UIMC1: variants seen among roughly 807,000 people sequenced by gnomAD.
The protein encoded by UIMC1 is ubiquitin interaction motif containing 1.
A neutral mutation model predicts 84.9 loss-of-function variants in UIMC1; 42 were observed. That is an observed-to-expected ratio of 0.49 (90% CI 0.39 to 0.64). The LOEUF is 0.64. UIMC1 is among the 30% of genes least tolerant of loss of function. The pLI, the probability that UIMC1 is intolerant of heterozygous loss-of-function variation, is 0.00. For synonymous variants in UIMC1, 281 were observed against 293.0 expected (o/e 0.96, Z 0.42); for missense variants, 825 against 847.6 (o/e 0.97, Z 0.33).
chr5:176,938,696 C>T (rs1006463814), intron 10 of UIMC1, among the ~76,000 whole-genome samples: 4 of 152,168 alleles, frequency 2.6e-5, no homozygotes, highest in African/African-American at 9.7e-5. Flanking sequence ...CTCTACCTTG[C>T]TATGGGTTTA....
rs1759301649 is a variant in UIMC1 at position 176,905,906 on chromosome 5, T to A, written c.1949+105A>T. On this transcript the variant is annotated intron_variant, in intron 14 of 14. Transcript: ENST00000511320. Reference sequence around the variant, plus strand: ...GAGGTCATAATAGTTCCACAGTGATTTCTACTGCAACAGTCTGAGTATCAC... The same window carrying A: ...GAGGTCATAATAGTTCCACAGTGATATCTACTGCAACAGTCTGAGTATCAC... 7.2e-6 allele frequency: 9 copies of A among 1,257,212 alleles called. No individual in the cohort carries two copies. The Admixed American group carries it at 1.6e-4, about 22-fold the overall frequency. 77.9% of individuals were successfully genotyped at this position (1,257,212 alleles called of 1,614,324 possible). A position where few individuals can be genotyped will look rare whatever the true frequency, so the allele number is the denominator to read the frequency against.
Position 176,955,959 on chromosome 5 carries a change from C to G in UIMC1, c.1339G>C (p.Glu447Gln), listed in dbSNP as rs1253146881. 1 of 1,612,792 alleles carries G rather than the reference C, an allele frequency of 6.2e-7. No individual in the cohort carries two copies. The highest frequency in any genetic ancestry group is 2.2e-5 in the East Asian group (1 of 44,792). The change falls in exon 8 of 15, where the codon GAG becomes CAG. Residue 447 changes from glutamate (E) to glutamine (Q), a missense_variant and splice_region_variant. Glu to Gln is a conservative substitution (Grantham distance 29, BLOSUM62 2). Transcript: ENST00000511320. ...AGTAAAATCACAGTGGGGTACTTAC[C>G]AGGACAAACAGTGATTTCTTCTGCA... ...SSAEEITVCP[E>Q]TQLSSSETFD...
chr5:176,950,518 A>C (rs967710131), intron 9 of UIMC1, among the ~76,000 whole-genome samples: 3 of 152,036 alleles, frequency 2.0e-5, no homozygotes, highest in African/African-American at 7.2e-5. Context: ...GATTTTTAAG[A>C]TTTAAAAATT....
chr5:176,941,811 T>A (rs1237790241), intron 10 of UIMC1, among the ~76,000 whole-genome samples: 1 of 152,094 alleles, frequency 6.6e-6, no homozygotes, highest in Non-Finnish European at 1.5e-5. Flanking sequence ...TTGATCAATG[T>A]CTTATGCTGT....
At chr5:176,969,854 G>A (rs1768929753) in intron 4 of UIMC1, 148 bp from the exon 5 acceptor site, 1 of 664,532 alleles carries the variant, frequency 1.5e-6, no homozygotes, top group Non-Finnish European at 2.6e-6. Flanking sequence ...CACAGCATAT[G>A]CTGAATGTCT....
intron 9 of UIMC1, among the ~76,000 whole-genome samples, chr5:176,944,859 G>A (rs1464355983): frequency 6.6e-6 from 1 of 152,130 alleles, no homozygotes; most frequent in African/African-American, 2.4e-5. Context: ...AGATGAGAAA[G>A]GAACTAACAG....
chr5:176,914,874 A>C (rs545667586), intron 10 of UIMC1, among the ~76,000 whole-genome samples: 2 of 152,326 alleles, frequency 1.3e-5, no homozygotes, highest in African/African-American at 4.8e-5. Flanking sequence ...TCCACCTCCT[A>C]TTCTATCAAC....
At chr5:176,982,336 C>T in intron 2 of UIMC1, 133 bp downstream of exon 2, 1 of 1,030,536 alleles carries the variant, frequency 9.7e-7, no homozygotes, top group South Asian at 1.7e-5. Flanking sequence ...CAAATTAAAA[C>T]AAAGCTGAGT....
chr5:177,005,043 C>T (rs1476883893), intron 1 of UIMC1, among the ~76,000 whole-genome samples: 2 of 151,978 alleles, frequency 1.3e-5, no homozygotes, highest in Non-Finnish European at 2.9e-5. Flanking sequence ...CACAGGCACG[C>T]GCCACCACGC....
intron 1 of UIMC1, among the ~76,000 whole-genome samples, chr5:177,013,526 T>A (rs953504015): frequency 1.3e-5 from 2 of 152,252 alleles, no homozygotes; most frequent in African/African-American, 4.8e-5. Context: ...GATGTTATTA[T>A]GTTCTTCAGA....
chr5:176,975,622 C>T, intron 2 of UIMC1, 142 bp from the exon 3 acceptor site: 1 of 726,906 alleles, frequency 1.4e-6, no homozygotes, highest in South Asian at 1.9e-5. Context: ...TTAGAAGATC[C>T]TTTTCAGTAC....
intron 2 of UIMC1, among the ~76,000 whole-genome samples, chr5:176,977,597 A>G (rs1396206590): frequency 1.4e-4 from 16 of 114,216 alleles, no homozygotes; most frequent in East Asian, 8.0e-4. Context: ...AAAAAAAAAA[A>G]GAAAAGAAAA....
At chr5:176,929,430 G>A (rs1035942809) in intron 10 of UIMC1, among the ~76,000 whole-genome samples, 55 of 151,444 alleles carry the variant, frequency 3.6e-4, no homozygotes, top group African/African-American at 1.3e-3. Flanking sequence ...AGCCAGGCGT[G>A]GTGGCGGGTG....
chr5:176,961,590 T>TG (rs1219778000), intron 6 of UIMC1, among the ~76,000 whole-genome samples: 1 of 37,996 alleles, frequency 2.6e-5, no homozygotes, highest in Non-Finnish European at 4.7e-5. Flanking sequence ...GGGAGGGAGG[T>TG]GGGGGGTCAG....
At chr5:176,952,654 G>T (rs1766035164) in intron 8 of UIMC1, among the ~76,000 whole-genome samples, 3 of 152,132 alleles carry the variant, frequency 2.0e-5, no homozygotes. Context: ...AAGTTTGGCT[G>T]GGCACAGTCA....
intron 1 of UIMC1, among the ~76,000 whole-genome samples, chr5:176,994,134 T>C (rs1773264252): frequency 6.6e-6 from 1 of 152,040 alleles, no homozygotes; most frequent in Non-Finnish European, 1.5e-5. Flanking sequence ...AGGCTGGCTA[T>C]GTCACTTTAC....
intron 1 of UIMC1, among the ~76,000 whole-genome samples, chr5:177,016,687 CT>C (rs1775678307): frequency 6.6e-6 from 1 of 151,366 alleles, no homozygotes; most frequent in Non-Finnish European, 1.5e-5. Context: ...TGCCACTGCA[CT>C]CCAGCCTGGC....
intron 10 of UIMC1, among the ~76,000 whole-genome samples, chr5:176,928,854 G>A (rs544049833): frequency 8.4e-4 from 128 of 152,166 alleles, no homozygotes; most frequent in African/African-American, 2.8e-3. Context: ...GGGAGGCTGA[G>A]GCAGGAGAAT....
intron 10 of UIMC1, among the ~76,000 whole-genome samples, chr5:176,940,356 C>T (rs1390552665): frequency 6.6e-6 from 1 of 152,198 alleles, no homozygotes; most frequent in Non-Finnish European, 1.5e-5. Context: ...CTACTCCTTA[C>T]CTGATCATTC....
Sources: allele counts gnomAD v4.1 joint callset (sites outside exome capture counted in the v4.1 genomes callset), GRCh38; gene constraint gnomAD v4.1.1; transcripts MANE v1.5; gene names NCBI Gene and HGNC (gene_info 2026-07-23, HGNC 2026-07-21).